Variants in STX6 observed in about 807,000 individuals in gnomAD.
STX6 encodes the protein syntaxin 6, also known as syntaxin-6.
Under a neutral mutation model 38.0 loss-of-function variants are expected in STX6, and 23 were observed. That is an observed-to-expected ratio of 0.60 (90% CI 0.43 to 0.86). STX6 has a LOEUF of 0.86. Ranked by LOEUF, STX6 falls within the 40% of genes least tolerant of loss-of-function variation. The pLI, the probability that STX6 is intolerant of heterozygous loss-of-function variation, is 0.00. For synonymous variants in STX6, 123 were observed against 107.5 expected (o/e 1.14, Z -0.89); for missense variants, 274 against 312.9 (o/e 0.88, Z 0.94).
intron 7 of STX6, among the ~76,000 whole-genome samples, chr1:180,978,971 A>G (rs1655329440): frequency 6.6e-6 from 1 of 152,254 alleles, no homozygotes; most frequent in Non-Finnish European, 1.5e-5. Context: ...CATCAGAACC[A>G]GAGTCAGATA....
At chr1:180,981,643 A>C (rs1054109568) in intron 7 of STX6, among the ~76,000 whole-genome samples, 4 of 152,074 alleles carry the variant, frequency 2.6e-5, no homozygotes, top group Non-Finnish European at 5.9e-5. Context: ...AGGAATTTTC[A>C]CCAAGGAGAA....
intron 1 of STX6, among the ~76,000 whole-genome samples, chr1:181,012,691 T>TG (rs1656438304): frequency 6.7e-6 from 1 of 149,536 alleles, no homozygotes. Context: ...TTTTTTTTTT[T>TG]GAGATGGAAT....
At chr1:181,022,408 G>T (rs926452964) in intron 1 of STX6, among the ~76,000 whole-genome samples, 1 of 152,072 alleles carries the variant, frequency 6.6e-6, no homozygotes, top group Non-Finnish European at 1.5e-5. Flanking sequence ...GGCCAAAAAG[G>T]GCCCCCCACC....
At chr1:180,997,426 G>A (rs1655944793) in intron 3 of STX6, among the ~76,000 whole-genome samples, 1 of 152,020 alleles carries the variant, frequency 6.6e-6, no homozygotes, top group South Asian at 2.1e-4. Flanking sequence ...TTGGGTTTGT[G>A]ACTCTACTTT....
In STX6 at chr1:180,976,631, C is replaced by T; in HGVS notation, c.707G>A (p.Cys236Tyr). The change falls in exon 8 of 8, where the codon TGT becomes TAT. Residue 236 changes from cysteine to tyrosine, a missense_variant. By Grantham distance (194) the Cys-to-Tyr change is radical. Transcript: ENST00000258301. ...SHMTSDRRQWCAIAILFAVLL... is the reference protein window; with the variant it reads ...SHMTSDRRQWYAIAILFAVLL... ...GACTGCAAAGAGGATGGCTATGGCA[C>T]ACCATTGGCGCCGATCTGGAAGGCA... 3 of 1,613,578 alleles carry T rather than the reference C, an allele frequency of 1.9e-6. No homozygotes were observed. Among genetic ancestry groups the T allele is most frequent in the Non-Finnish European group, 2.5e-6 (3 of 1,179,998 alleles).
chr1:180,973,497 ACG>A lies in STX6; in HGVS notation c.*3071_*3072del, dbSNP rs1655174908. ...ATTTCTTTTCACAGCCCTTAATCTC[ACG>A]AGGTGAGAAGGAGTGGAAGTTGCCA... is the stretch of plus-strand genomic sequence containing the variant. On this transcript the variant is annotated 3_prime_UTR_variant, in exon 8 of 8. Transcript: ENST00000258301. 2.6e-5 allele frequency: 4 copies of A among 152,442 alleles called. No individual in the cohort carries two copies. Among genetic ancestry groups the A allele is most frequent in the Non-Finnish European group, 5.9e-5 (4 of 67,964 alleles). 9.4% of individuals were successfully genotyped at this position (152,442 alleles called of 1,614,324 possible).
chr1:180,998,346 G>A (rs531219717), intron 3 of STX6, among the ~76,000 whole-genome samples: 5 of 152,174 alleles, frequency 3.3e-5, no homozygotes, highest in South Asian at 2.1e-4. Context: ...CACCACCACC[G>A]CGGGTAAGGA....
chr1:181,009,206 C>A (rs1371974157), intron 1 of STX6, among the ~76,000 whole-genome samples: 2 of 152,046 alleles, frequency 1.3e-5, no homozygotes, highest in African/African-American at 2.4e-5. Context: ...GTGGCTCATG[C>A]CTGTAATCAC....
chr1:181,005,205 G>A, intron 2 of STX6, 89 bp downstream of exon 2: 2 of 1,524,816 alleles, frequency 1.3e-6, no homozygotes, highest in African/African-American at 1.4e-5. Context: ...ATTATAAAAT[G>A]TTTCATCTAC....
chr1:180,981,359 A>T (rs1023431804), intron 7 of STX6, among the ~76,000 whole-genome samples: 13 of 152,342 alleles, frequency 8.5e-5, no homozygotes, highest in African/African-American at 2.6e-4. Context: ...TTAATTTTTT[A>T]AAAAGATTAA....
Position 180,999,694 on chromosome 1 carries a change from C to T in STX6, c.300+2912G>A, listed in dbSNP as rs371033861. On this transcript the variant is annotated intron_variant, in intron 3 of 7. Transcript: ENST00000258301. Reference sequence around the variant, plus strand: ...AAACCACAAAATGCATAGAGTATCACTGACTCCCCTGCCTACAAAAGAGAA... The same window carrying T: ...AAACCACAAAATGCATAGAGTATCATTGACTCCCCTGCCTACAAAAGAGAA... Among the ~76,000 whole-genome samples the T allele has an allele frequency of 2.7e-5, 4 of 150,936 alleles. No individual in the cohort carries two copies. In the South Asian group the frequency reaches 8.3e-4, roughly 31 times the overall value.
Position 180,976,280 on chromosome 1 carries a change from T to C in STX6, c.*290A>G. The C allele has an allele frequency of 2.6e-6, 1 of 387,224 alleles. No individual in the cohort carries two copies. 24.0% of individuals were successfully genotyped at this position (387,224 alleles called of 1,614,324 possible). On this transcript the variant is annotated 3_prime_UTR_variant, in exon 8 of 8. Transcript: ENST00000258301. ...GTAAGTCCCTCCTCAGCAAACGAGG[T>C]CCCGGAAGGCAAGGCAGCAGCTAGT...
intron 4 of STX6, among the ~76,000 whole-genome samples, chr1:180,991,486 G>C (rs1399315533): frequency 6.6e-6 from 1 of 152,216 alleles, no homozygotes; most frequent in Non-Finnish European, 1.5e-5. Flanking sequence ...TAAGGACAGA[G>C]AACTGGGACA....
chr1:181,009,470 CA>C (rs34469966), intron 1 of STX6, among the ~76,000 whole-genome samples: 36,501 of 105,332 alleles, frequency 0.35, 4,163 homozygotes, highest in Non-Finnish European at 0.39. Flanking sequence ...CTGTTGTTTC[CA>C]AAAAAAAAAA....
chr1:181,012,387 G>A lies in STX6; in HGVS notation c.36-6924C>T, dbSNP rs945591871. 2.0e-5 allele frequency among the ~76,000 whole-genome samples: 3 copies of A among 152,164 alleles called. No individual in the cohort carries two copies. The South Asian group carries it at 6.2e-4, about 31-fold the overall frequency. On this transcript the variant is annotated intron_variant, in intron 1 of 7. Coordinates refer to ENST00000258301, the MANE Select transcript of STX6 (RefSeq NM_005819.6). ...ACAGGTAGCATTTCGTAGATACCAA[G>A]AGCCAGTGTTGGCAATTCTAGGGAT...
chr1:180,993,907 T>A (rs1228286867), intron 3 of STX6, among the ~76,000 whole-genome samples: 1 of 152,228 alleles, frequency 6.6e-6, no homozygotes, highest in Non-Finnish European at 1.5e-5. Context: ...TAAAAAACCA[T>A]GTGCTTTTAG....
chr1:180,991,683 C>T (rs1174838436), intron 4 of STX6, among the ~76,000 whole-genome samples: 1 of 152,116 alleles, frequency 6.6e-6, no homozygotes, highest in Non-Finnish European at 1.5e-5. Flanking sequence ...GGCCCAAGGA[C>T]TGGAAGATGC....
intron 1 of STX6, among the ~76,000 whole-genome samples, chr1:181,020,297 AG>A (rs1656690477): frequency 6.6e-6 from 1 of 152,260 alleles, no homozygotes; most frequent in Admixed American, 6.5e-5. Context: ...TTAAATGTGC[AG>A]TAAGTGTAAA....
At position 180,976,544 on chromosome 1, in the gene STX6, G is replaced by C; in HGVS notation, c.*26C>G. 6.2e-7 allele frequency: 1 copy of C among 1,607,534 alleles called. No homozygotes were observed. The highest frequency in any genetic ancestry group is 8.5e-7 in the Non-Finnish European group (1 of 1,174,696). Reference sequence around the variant, plus strand: ...TCCTCCCCTCGGTTCATATGCAGGAGGAACTCGCACCCAGAGGCCCCGCCG... The same window carrying C: ...TCCTCCCCTCGGTTCATATGCAGGACGAACTCGCACCCAGAGGCCCCGCCG... On this transcript the variant is annotated 3_prime_UTR_variant, in exon 8 of 8. Coordinates refer to ENST00000258301, the MANE Select transcript of STX6 (RefSeq NM_005819.6).
Sources: gnomAD v4.1 joint callset for allele counts (sites outside exome capture counted in the v4.1 genomes callset) on GRCh38, gnomAD v4.1.1 for gene constraint, MANE v1.5 for transcripts, NCBI Gene and HGNC (gene_info 2026-07-23, HGNC 2026-07-21) for gene names.